FHIT: variants seen among roughly 807,000 people sequenced by gnomAD.
The protein encoded by FHIT is bis(5'-adenosyl)-triphosphatase.
A neutral mutation model predicts 17.9 loss-of-function variants in FHIT; 19 were observed. The observed-to-expected ratio is 1.06, with a 90% CI of 0.74 to 1.56. FHIT has a LOEUF of 1.56. Among genes scored for constraint, FHIT ranks in the 40% most tolerant of loss-of-function variants. FHIT has a pLI of 0.00. For missense variants in FHIT, 248 were observed against 189.2 expected (o/e 1.31, Z -1.82); for synonymous variants, 81 against 69.7 (o/e 1.16, Z -0.81).
intron 5 of FHIT, among the ~76,000 whole-genome samples, chr3:60,329,305 T>G (rs1709847883): frequency 6.6e-6 from 1 of 152,122 alleles, no homozygotes; most frequent in Non-Finnish European, 1.5e-5. Context: ...GCCATTAGCT[T>G]TAAAAAACAG....
intron 8 of FHIT, among the ~76,000 whole-genome samples, chr3:59,916,374 T>A (rs947923702): frequency 2.6e-5 from 4 of 152,182 alleles, no homozygotes; most frequent in African/African-American, 9.7e-5. Context: ...TTTGAGATTT[T>A]GGGACTCGGA....
At chr3:60,169,845 G>C (rs1411221224) in intron 5 of FHIT, among the ~76,000 whole-genome samples, 2 of 152,148 alleles carry the variant, frequency 1.3e-5, no homozygotes, top group African/African-American at 4.8e-5. Flanking sequence ...ACAGTTCCCG[G>C]GAGGGAGGAG....
intron 4 of FHIT, among the ~76,000 whole-genome samples, chr3:60,671,057 A>C (rs959488750): frequency 2.6e-5 from 4 of 152,280 alleles, no homozygotes; most frequent in African/African-American, 9.6e-5. Flanking sequence ...GGAATTAAAA[A>C]TGAAGGATGG....
chr3:60,120,168 G>A (rs898500330), intron 5 of FHIT, among the ~76,000 whole-genome samples: 1 of 152,070 alleles, frequency 6.6e-6, no homozygotes, highest in African/African-American at 2.4e-5. Context: ...ACAATATACA[G>A]CACAATGAGC....
At chr3:59,839,308 A>C (rs1701448227) in intron 8 of FHIT, among the ~76,000 whole-genome samples, 1 of 114,946 alleles carries the variant, frequency 8.7e-6, no homozygotes, top group Non-Finnish European at 1.8e-5. Flanking sequence ...ACAGAGCGAG[A>C]CTTCATTTTC....
At chr3:59,798,918 C>T (rs899010338) in intron 8 of FHIT, among the ~76,000 whole-genome samples, 1 of 152,128 alleles carries the variant, frequency 6.6e-6, no homozygotes, top group African/African-American at 2.4e-5. Flanking sequence ...TGGCATTGGA[C>T]GTATTTAAAA....
At chr3:60,919,019 A>G (rs938966382) in intron 3 of FHIT, among the ~76,000 whole-genome samples, 9 of 152,222 alleles carry the variant, frequency 5.9e-5, no homozygotes, top group Non-Finnish European at 1.3e-4. Context: ...ATGGCAGTCA[A>G]TCATGGACTA....
At chr3:61,174,812 G>T (rs2038109199) in intron 2 of FHIT, among the ~76,000 whole-genome samples, 1 of 152,168 alleles carries the variant, frequency 6.6e-6, no homozygotes, top group Non-Finnish European at 1.5e-5. Context: ...ATGTCACCAT[G>T]CAATTCTATA....
At chr3:60,788,574 G>A (rs1700662714) in intron 4 of FHIT, among the ~76,000 whole-genome samples, 1 of 152,110 alleles carries the variant, frequency 6.6e-6, no homozygotes, top group Non-Finnish European at 1.5e-5. Context: ...GGAAGACGTG[G>A]ATACTAGGGG....
intron 5 of FHIT, among the ~76,000 whole-genome samples, chr3:60,486,519 G>T (rs1172693574): frequency 6.6e-6 from 1 of 151,986 alleles, no homozygotes; most frequent in African/African-American, 2.4e-5. Context: ...CCTCCAAAGG[G>T]GCCTGACAGG....
chr3:60,011,294 C>T (rs1011901173), intron 7 of FHIT, 77 bp downstream of exon 7: 54 of 1,337,962 alleles, frequency 4.0e-5, no homozygotes, highest in Non-Finnish European at 5.7e-5. Context: ...CAATGTGCTG[C>T]ATATGACTCG....
chr3:60,795,622 C>T (rs2108130488), intron 4 of FHIT, among the ~76,000 whole-genome samples: 1 of 152,180 alleles, frequency 6.6e-6, no homozygotes, highest in African/African-American at 2.4e-5. Flanking sequence ...TCAAGTGATC[C>T]TCCCACCTTA....
At chr3:60,325,444 A>C (rs1409047233) in intron 5 of FHIT, among the ~76,000 whole-genome samples, 1 of 152,076 alleles carries the variant, frequency 6.6e-6, no homozygotes, top group Non-Finnish European at 1.5e-5. Flanking sequence ...GCTTACATAC[A>C]TTTTTTTCAA....
intron 3 of FHIT, among the ~76,000 whole-genome samples, chr3:60,908,710 T>TCTTCTCCATAGCTTTTTG (rs1706560153): frequency 1.1e-5 from 1 of 89,282 alleles, no homozygotes; most frequent in Admixed American, 1.5e-4. Flanking sequence ...TAGAAGTCTC[T>TCTTCTCCATAGCTTTTTG]TATGAAAAAA....
chr3:60,716,994 A>G (rs573197557), intron 4 of FHIT, among the ~76,000 whole-genome samples: 110 of 152,354 alleles, frequency 7.2e-4, no homozygotes, highest in African/African-American at 2.4e-3. Flanking sequence ...TGCCATCTGC[A>G]ACACGAATGA....
chr3:60,900,419 T>C (rs952446061), intron 3 of FHIT, among the ~76,000 whole-genome samples: 4 of 148,184 alleles, frequency 2.7e-5, no homozygotes, highest in Non-Finnish European at 5.9e-5. Context: ...CTGAGCTACA[T>C]AGTGAGATGC....
At chr3:60,665,348 G>T (rs1208341369) in intron 4 of FHIT, among the ~76,000 whole-genome samples, 1 of 151,980 alleles carries the variant, frequency 6.6e-6, no homozygotes, top group African/African-American at 2.4e-5. Context: ...CTGTATAGTA[G>T]TTCTATTTGT....
Position 60,301,174 on chromosome 3 carries a change from C to G in FHIT, c.103+235686G>C, listed in dbSNP as rs557995114. Among the ~76,000 whole-genome samples the G allele has an allele frequency of 4.6e-5, 7 of 152,206 alleles. No homozygotes were observed. The South Asian group carries it at 1.5e-3, about 32-fold the overall frequency. ...GACCTGAAAGTATGATTTTAAAACA[C>G]TTTAATACCTTTATAGTCAACAAGT... is the stretch of plus-strand genomic sequence containing the variant. On this transcript the variant is annotated intron_variant, in intron 5 of 9. Transcript: ENST00000492590.
intron 5 of FHIT, among the ~76,000 whole-genome samples, chr3:60,340,893 T>C (rs1559835022): frequency 6.6e-6 from 1 of 152,158 alleles, no homozygotes; most frequent in Non-Finnish European, 1.5e-5. Flanking sequence ...GGTTTCACTA[T>C]GTAGGCCAGG....
Sources: gnomAD v4.1 joint callset for allele counts (sites outside exome capture counted in the v4.1 genomes callset) on GRCh38, gnomAD v4.1.1 for gene constraint, MANE v1.5 for transcripts, NCBI Gene and HGNC (gene_info 2026-07-23, HGNC 2026-07-21) for gene names.